Variants in CDH2 observed in about 807,000 individuals in gnomAD.
CDH2 encodes cadherin-2.
Under a neutral mutation model 92.0 loss-of-function variants are expected in CDH2, and 17 were observed. The ratio of observed to expected loss-of-function variants is 0.18; its 90% CI spans 0.13 to 0.28. CDH2 has a LOEUF of 0.28. CDH2 is among the 10% of genes least tolerant of loss of function. CDH2 has a pLI of 1.00. For missense variants in CDH2, 862 were observed against 1,133.1 expected (o/e 0.76, Z 3.44); for synonymous variants, 419 against 415.9 (o/e 1.01, Z -0.09).
At chr18:27,950,289 G>A (rs1909384251), downstream of CDH2, among the ~76,000 whole-genome samples, 1 of 152,158 alleles carries the variant, frequency 6.6e-6, no homozygotes, top group South Asian at 2.1e-4. Flanking sequence ...ACTATATGGT[G>A]TGATGATTAA....
At chr18:28,001,991 G>C (rs1435366429) in intron 7 of CDH2, among the ~76,000 whole-genome samples, 2 of 152,192 alleles carry the variant, frequency 1.3e-5, no homozygotes, top group Non-Finnish European at 2.9e-5. Flanking sequence ...GGCTCAGCCA[G>C]AAATCTACAA....
At chr18:28,147,047 T>A (rs1486483204) in intron 2 of CDH2, among the ~76,000 whole-genome samples, 2 of 152,102 alleles carry the variant, frequency 1.3e-5, no homozygotes, top group African/African-American at 4.8e-5. Flanking sequence ...TTGGCAAGAG[T>A]TTCCATATGA....
chr18:28,099,523 A>G (rs1039888809), intron 2 of CDH2, among the ~76,000 whole-genome samples: 3 of 152,196 alleles, frequency 2.0e-5, no homozygotes, highest in Non-Finnish European at 2.9e-5. Flanking sequence ...GAACACTTCC[A>G]CATCAATTAA....
chr18:28,118,479 A>T (rs533013493), intron 2 of CDH2, among the ~76,000 whole-genome samples: 1 of 152,234 alleles, frequency 6.6e-6, no homozygotes, highest in African/African-American at 2.4e-5. Context: ...AGTTCTCATT[A>T]AAAAGAATGA....
intron 2 of CDH2, among the ~76,000 whole-genome samples, chr18:28,084,310 C>T (rs1014187939): frequency 1.1e-4 from 16 of 152,104 alleles, no homozygotes; most frequent in Non-Finnish European, 2.1e-4. Context: ...AAGGGATTTC[C>T]TTATTTCATG....
At chr18:28,001,373 G>A (rs538766180) in intron 7 of CDH2, among the ~76,000 whole-genome samples, 10 of 152,320 alleles carry the variant, frequency 6.6e-5, no homozygotes, top group Non-Finnish European at 1.5e-4. Flanking sequence ...AAAACAGGAT[G>A]AAGTCTCATT....
At chr18:28,152,992 C>T (rs1332200205) in intron 1 of CDH2, among the ~76,000 whole-genome samples, 2 of 152,042 alleles carry the variant, frequency 1.3e-5, no homozygotes, top group African/African-American at 2.4e-5. Flanking sequence ...GCTGTGAACA[C>T]GGGTGCCACA....
At chr18:28,103,480 TAC>T (rs58340426) in intron 2 of CDH2, among the ~76,000 whole-genome samples, 111,910 of 146,508 alleles carry the variant, frequency 0.76, 42,815 homozygotes, top group Middle Eastern at 0.81. Flanking sequence ...TGTATATATA[TAC>T]ACACACACAC....
chr18:28,083,480 T>A (rs1428303367), intron 2 of CDH2, among the ~76,000 whole-genome samples: 1 of 152,116 alleles, frequency 6.6e-6, no homozygotes, highest in Non-Finnish European at 1.5e-5. Context: ...ATTATTAAAA[T>A]TTGAAAAAGA....
intron 11 of CDH2, 30 bp downstream of exon 11, chr18:27,988,494 T>C (rs767111473): frequency 9.4e-6 from 15 of 1,599,460 alleles, no homozygotes; most frequent in Non-Finnish European, 1.3e-5. Context: ...CTGTCTTTCA[T>C]CAACATACAA....
intron 2 of CDH2, among the ~76,000 whole-genome samples, chr18:28,015,191 C>T (rs935634608): frequency 2.0e-5 from 3 of 152,172 alleles, no homozygotes; most frequent in African/African-American, 7.2e-5. Flanking sequence ...ACAGCCACAT[C>T]TAAATAACAG....
At chr18:28,032,879 T>G (rs2013733017) in intron 2 of CDH2, among the ~76,000 whole-genome samples, 1 of 152,052 alleles carries the variant, frequency 6.6e-6, no homozygotes, top group South Asian at 2.1e-4. Flanking sequence ...ATGAACTACA[T>G]GATTCCTAAT....
chr18:28,171,765 C>G (rs1195552870), intron 1 of CDH2, among the ~76,000 whole-genome samples: 1 of 152,040 alleles, frequency 6.6e-6, no homozygotes, highest in African/African-American at 2.4e-5. Context: ...TGGACAGTCT[C>G]TTAGAGATCA....
Position 27,993,616 on chromosome 18 carries a change from T to A in CDH2, c.1042A>T (p.Ile348Leu), listed in dbSNP as rs1274037988. 6.2e-7 allele frequency: 1 copy of A among 1,612,960 alleles called. No individual in the cohort carries two copies. Among genetic ancestry groups the A allele is most frequent in the East Asian group, 2.2e-5 (1 of 44,870 alleles). ...CCTTCCATGTCTGTAGCTTGAATTA[T>A]TAACGTATACTGTTGCACTTTCTAA... Reference protein sequence around the residue: ...DREKVQQYTLIIQATDMEGNP... With the variant: ...DREKVQQYTLLIQATDMEGNP... Residue 348 changes from isoleucine to leucine, a missense_variant, in exon 8 of 16, where the codon ATA becomes TTA. By Grantham distance (5) the Ile-to-Leu change is conservative. Around this residue, in one of 5 missense-constraint regions of CDH2, gnomAD observed 564 missense variants for 722.2 expected, o/e 0.78. Coordinates refer to ENST00000269141, the MANE Select transcript of CDH2 (RefSeq NM_001792.5).
At chr18:27,963,852 G>GCTAA (rs1260368265) in intron 14 of CDH2, among the ~76,000 whole-genome samples, 4 of 152,060 alleles carry the variant, frequency 2.6e-5, no homozygotes, top group African/African-American at 9.7e-5. Flanking sequence ...AAGCAAAGGT[G>GCTAA]CTAACTTCAT....
At chr18:27,938,889 A>G (rs187687686) in intron 6 of CDH2, among the ~76,000 whole-genome samples, 1 of 152,350 alleles carries the variant, frequency 6.6e-6, no homozygotes, top group East Asian at 1.9e-4. Context: ...GAAGGAAAGC[A>G]AAAGTATTTT....
At chr18:27,993,050 T>C (rs543282577) in intron 8 of CDH2, among the ~76,000 whole-genome samples, 29 of 152,342 alleles carry the variant, frequency 1.9e-4, no homozygotes, top group African/African-American at 6.7e-4. Flanking sequence ...TTTTCCAAAT[T>C]ACCTTACAGT....
At chr18:27,944,819 A>G (rs1909229594) in intron 6 of CDH2, among the ~76,000 whole-genome samples, 1 of 150,634 alleles carries the variant, frequency 6.6e-6, no homozygotes, top group African/African-American at 2.4e-5. Context: ...AGCCTGAGGT[A>G]TGAGGATGTC....
intron 1 of CDH2, among the ~76,000 whole-genome samples, chr18:28,152,561 C>T (rs1221342346): frequency 6.6e-6 from 1 of 152,132 alleles, no homozygotes; most frequent in African/African-American, 2.4e-5. Context: ...CAGCAAGAAA[C>T]AGCATAGTGC....
Sources: gnomAD v4.1 joint callset for allele counts (sites outside exome capture counted in the v4.1 genomes callset) on GRCh38, gnomAD v4.1.1 for gene constraint, gnomAD v4.1.1 regional missense constraint, MANE v1.5 for transcripts, NCBI Gene and HGNC (gene_info 2026-07-23, HGNC 2026-07-21) for gene names.